The following NKAIN3 variants were observed in gnomAD, a reference collection of about 807,000 sequenced individuals.
NKAIN3 encodes sodium/potassium transporting ATPase interacting 3, also known as sodium/potassium-transporting ATPase subunit beta-1-interacting protein 3.
A neutral mutation model predicts 30.2 loss-of-function variants in NKAIN3; 25 were observed. The observed-to-expected ratio is 0.83, with a 90% CI of 0.60 to 1.16. The LOEUF is 1.16. Among genes scored for constraint, NKAIN3 ranks in the 50% most tolerant of loss-of-function variants. The probability of loss-of-function intolerance (pLI) is 0.00; values close to 1 mark genes in which losing one functional copy is unlikely to be tolerated. For missense variants in NKAIN3, 225 were observed against 254.1 expected, an observed-to-expected ratio of 0.89 and a Z score of 0.78; for synonymous variants, 91 against 89.6, an observed-to-expected ratio of 1.02 and a Z score of -0.09.
chr8:62,339,837 GA>G (rs974040981), intron 1 of NKAIN3, among the ~76,000 whole-genome samples: 4 of 151,076 alleles, frequency 2.6e-5, no homozygotes, highest in Admixed American at 1.3e-4. Context: ...GATTGTTAAA[GA>G]AAAAAAATCT....
intron 3 of NKAIN3, among the ~76,000 whole-genome samples, chr8:62,690,267 C>A (rs1191825665): frequency 6.6e-6 from 1 of 152,244 alleles, no homozygotes; most frequent in East Asian, 1.9e-4. Context: ...GGCCATGCAC[C>A]AATTACAGGG....
intron 4 of NKAIN3, among the ~76,000 whole-genome samples, chr8:62,817,210 A>C (rs568539397): frequency 2.0e-5 from 3 of 152,218 alleles, no homozygotes; most frequent in African/African-American, 7.2e-5. Context: ...TGAGTGCTGC[A>C]TGCCTCTAGT....
chr8:62,738,125 CCCA>C (rs1295713323), intron 3 of NKAIN3, among the ~76,000 whole-genome samples: 19 of 152,310 alleles, frequency 1.2e-4, no homozygotes, highest in Admixed American at 6.5e-4. Context: ...AATTTACACT[CCCA>C]CCAACAGTGT....
intron 1 of NKAIN3, among the ~76,000 whole-genome samples, chr8:62,457,781 A>G (rs766792641): frequency 3.3e-5 from 5 of 152,220 alleles, no homozygotes; most frequent in Non-Finnish European, 5.9e-5. Flanking sequence ...TGGATAATAA[A>G]AAATAACTTG....
At chr8:62,506,476 C>CTTTCTTTCTTTCTTTT (rs71559373) in intron 1 of NKAIN3, among the ~76,000 whole-genome samples, 30 of 98,448 alleles carry the variant, frequency 3.0e-4, no homozygotes, top group Non-Finnish European at 5.3e-4. Context: ...TTCTTTCTTT[C>CTTTCTTTCTTTCTTTT]TTTTTTTTTT....
chr8:62,381,063 A>G (rs1817260412), intron 1 of NKAIN3, among the ~76,000 whole-genome samples: 1 of 152,214 alleles, frequency 6.6e-6, no homozygotes, highest in East Asian at 1.9e-4. Flanking sequence ...TAGTTTTCCA[A>G]TTAAAAACAT....
At chr8:62,940,349 G>A (rs1822917386) in intron 5 of NKAIN3, among the ~76,000 whole-genome samples, 1 of 152,026 alleles carries the variant, frequency 6.6e-6, no homozygotes, top group Non-Finnish European at 1.5e-5. Flanking sequence ...GACAGCACTA[G>A]GCAGGTGATA....
chr8:62,989,809 T>A (rs1266207391), downstream of NKAIN3, among the ~76,000 whole-genome samples: 1 of 152,248 alleles, frequency 6.6e-6, no homozygotes, highest in Non-Finnish European at 1.5e-5. Flanking sequence ...AGAAATTTAG[T>A]ATTACTTCCA....
chr8:62,486,576 A>T (rs1006436085), intron 1 of NKAIN3, among the ~76,000 whole-genome samples: 1 of 152,188 alleles, frequency 6.6e-6, no homozygotes, highest in Non-Finnish European at 1.5e-5. Flanking sequence ...CATCCCTTGC[A>T]CTTGTATCTG....
At chr8:62,749,981 C>T (rs1174203327) in intron 4 of NKAIN3, among the ~76,000 whole-genome samples, 1 of 151,970 alleles carries the variant, frequency 6.6e-6, no homozygotes, top group Non-Finnish European at 1.5e-5. Flanking sequence ...CAAGCCTGGC[C>T]AGAATTGTGC....
At chr8:62,356,885 G>C (rs1187270936) in intron 1 of NKAIN3, among the ~76,000 whole-genome samples, 1 of 152,082 alleles carries the variant, frequency 6.6e-6, no homozygotes, top group Non-Finnish European at 1.5e-5. Flanking sequence ...GCCGAGACAG[G>C]TGGATTGCTT....
At chr8:62,804,654 A>C (rs1315310299) in intron 4 of NKAIN3, among the ~76,000 whole-genome samples, 1 of 152,214 alleles carries the variant, frequency 6.6e-6, no homozygotes, top group Non-Finnish European at 1.5e-5. Flanking sequence ...TGTACCTCAA[A>C]ATAATAAGAG....
intron 4 of NKAIN3, among the ~76,000 whole-genome samples, chr8:62,813,789 T>C (rs753594503): frequency 6.6e-5 from 10 of 152,160 alleles, no homozygotes; most frequent in African/African-American, 9.6e-5. Context: ...AGACAATGTA[T>C]TTTTGCTTCC....
chr8:62,543,942 C>G (rs1808925299), intron 1 of NKAIN3, among the ~76,000 whole-genome samples: 1 of 151,990 alleles, frequency 6.6e-6, no homozygotes, highest in South Asian at 2.1e-4. Context: ...AGAGAAATGT[C>G]AAAGACATTA....
chr8:62,828,104 C>T (rs1303590027), intron 4 of NKAIN3, among the ~76,000 whole-genome samples: 1 of 151,988 alleles, frequency 6.6e-6, no homozygotes, highest in Non-Finnish European at 1.5e-5. Flanking sequence ...TTTAAAAAAA[C>T]TATTGCTATC....
chr8:62,543,175 C>A (rs550790115), intron 1 of NKAIN3, among the ~76,000 whole-genome samples: 2 of 152,252 alleles, frequency 1.3e-5, no homozygotes, highest in Admixed American at 6.5e-5. Flanking sequence ...AGGATTCAGG[C>A]AAATCATCTG....
intron 3 of NKAIN3, among the ~76,000 whole-genome samples, chr8:62,726,017 T>C (rs1815245362): frequency 6.6e-6 from 1 of 152,098 alleles, no homozygotes; most frequent in Admixed American, 6.6e-5. Flanking sequence ...CTTCAGCTTC[T>C]TTCAATGTTT....
chr8:62,563,941 A>G (rs960430186), intron 1 of NKAIN3, among the ~76,000 whole-genome samples: 3 of 152,168 alleles, frequency 2.0e-5, no homozygotes, highest in Admixed American at 1.3e-4. Context: ...GAGTCACTTA[A>G]GTGCACAACC....
intron 4 of NKAIN3, chr8:62,855,962 A>C: frequency 1.4e-6 from 1 of 713,658 alleles, no homozygotes; most frequent in Non-Finnish European, 2.6e-6. Context: ...TGTGCAGAGC[A>C]CTAAACAGGG....
Sources: allele counts gnomAD v4.1 joint callset (sites outside exome capture counted in the v4.1 genomes callset), GRCh38; gene constraint gnomAD v4.1.1; transcripts MANE v1.5; gene names NCBI Gene and HGNC (gene_info 2026-07-23, HGNC 2026-07-21).